CD163: variants seen among roughly 807,000 people sequenced by gnomAD.
CD163 encodes the protein scavenger receptor cysteine-rich type 1 protein M130.
In CD163, 64 loss-of-function variants were observed where a neutral mutation model predicts 129.2. The ratio of observed to expected loss-of-function variants is 0.50; its 90% CI spans 0.41 to 0.61. The LOEUF is 0.61. Among genes scored for constraint, CD163 ranks in the 20% least tolerant of loss-of-function variants. The pLI is 0.00. For missense variants in CD163, 1,061 were observed against 1,377.9 expected (o/e 0.77, Z 3.64); for synonymous variants, 446 against 478.5 (o/e 0.93, Z 0.89).
At chr12:7,475,340 A>G (rs1164716510) in intron 16 of CD163, among the ~76,000 whole-genome samples, 1 of 152,198 alleles carries the variant, frequency 6.6e-6, no homozygotes, top group Admixed American at 6.5e-5. Flanking sequence ...AAAATCCTCA[A>G]TAAAATACTG....
At position 7,480,081 on chromosome 12, in the gene CD163, A is replaced by T. The variant is rs1389682427; in HGVS notation, c.3344-168T>A. ...GGCTCTTTGAGCAACTAAAAACACC[A>T]CCCATAACTAGGAAGAAAAGCATGT... On this transcript the variant is annotated intron_variant, in intron 15 of 16. Coordinates refer to ENST00000432237, the MANE Select transcript of CD163 (RefSeq NM_203416.4). The T allele has an allele frequency of 2.4e-6, 3 of 1,240,892 alleles. No individual in the cohort carries two copies. In the African/African-American group the frequency reaches 4.6e-5, roughly 19 times the overall value. 76.9% of individuals were successfully genotyped at this position (1,240,892 alleles called of 1,614,324 possible).
At position 7,485,081 on chromosome 12, in the gene CD163, T is replaced by A. The variant is rs753889446; in HGVS notation, c.2779+15A>T. 1.3e-6 allele frequency: 2 copies of A among 1,574,434 alleles called. No homozygotes were observed. Among genetic ancestry groups the A allele is most frequent in the Non-Finnish European group, 1.7e-6 (2 of 1,158,978 alleles). On this transcript the variant is annotated intron_variant, in intron 11 of 16. Coordinates refer to ENST00000432237, the MANE Select transcript of CD163 (RefSeq NM_203416.4). This position sits in a 1 kb window ranked among gnomAD's most constrained non-coding sequence, Gnocchi z 4.5. ...CTGCAGAATGGAATTTTCATATAGGTCGATGGATACTCACTGTCACATGTG... is the reference window on the plus strand; with the variant it reads ...CTGCAGAATGGAATTTTCATATAGGACGATGGATACTCACTGTCACATGTG...
chr12:7,487,052 T>C lies in CD163; in HGVS notation c.2051-66A>G. On this transcript the variant is annotated intron_variant, in intron 8 of 16. Coordinates refer to ENST00000432237, the MANE Select transcript of CD163 (RefSeq NM_203416.4). This position sits in a 1 kb window ranked among gnomAD's most constrained non-coding sequence, Gnocchi z 5.1. ...GTTAGGGGAGTCAGATGAAATGTTA[T>C]ATGGATGAGTTGAGGACAAACATAG... is the stretch of plus-strand genomic sequence containing the variant. The C allele has an allele frequency of 3.2e-6, 4 of 1,245,570 alleles. No homozygotes were observed. Among genetic ancestry groups the C allele is most frequent in the African/African-American group, 1.5e-5 (1 of 67,782 alleles). 77.2% of individuals were successfully genotyped at this position (1,245,570 alleles called of 1,614,324 possible).
chr12:7,488,154 G>A, intron 6 of CD163, 67 bp from the exon 7 acceptor site: 1 of 1,468,140 alleles, frequency 6.8e-7, no homozygotes, highest in South Asian at 1.4e-5. Context: ...TGATGAGGGT[G>A]AAGAAGGTGG....
At chr12:7,471,823 G>C (rs944195618) in intron 16 of CD163, 1 of 152,230 alleles carries the variant, frequency 6.6e-6, no homozygotes, top group Non-Finnish European at 1.5e-5. Context: ...CCCACAAAGC[G>C]CAGCAAGTCA....
Position 7,502,548 on chromosome 12 carries a change from A to T in CD163, c.63T>A (p.Phe21Leu). Residue 21 changes from phenylalanine to leucine, a missense_variant, in exon 2 of 17, where the codon TTT becomes TTA. Phe to Leu is a conservative substitution (Grantham distance 22). Coordinates refer to ENST00000432237, the MANE Select transcript of CD163 (RefSeq NM_203416.4). ...DSGSADFRRHFVNLSPFTITV... is the reference protein window; with the variant it reads ...DSGSADFRRHLVNLSPFTITV... ...TAATGGTGAAGGGACTCAAGTTGAC[A>T]AAATGTCTTCTGAAGTCTGTGAAAA... 1.3e-6 allele frequency: 2 copies of T among 1,573,030 alleles called. No homozygotes were observed. Among genetic ancestry groups the T allele is most frequent in the South Asian group, 2.3e-5 (2 of 88,488 alleles).
At chr12:7,499,781 AAGG>A (rs1273245827) in intron 3 of CD163, among the ~76,000 whole-genome samples, 2 of 152,116 alleles carry the variant, frequency 1.3e-5, no homozygotes, top group African/African-American at 2.4e-5. Context: ...GAAGGAGGAG[AAGG>A]AGGAGAAGGA....
chr12:7,483,259 C>A, intron 12 of CD163, 108 bp downstream of exon 12: 1 of 1,033,072 alleles, frequency 9.7e-7, no homozygotes. Flanking sequence ...TGAGAATCCC[C>A]ACCAGATCCC....
chr12:7,499,198 A>C lies in CD163; in HGVS notation c.458-10T>G. The C allele has an allele frequency of 6.3e-7, 1 of 1,596,080 alleles. No homozygotes were observed. The highest frequency in any genetic ancestry group is 8.5e-7 in the Non-Finnish European group (1 of 1,171,494). ...TCCAAATTGGATCCATCTGGAGCAG[A>C]GAAAAGACCAGAGTTCAGAAGTTAC... On this transcript the variant is annotated splice_polypyrimidine_tract_variant and intron_variant, in intron 3 of 16. Transcript: ENST00000432237.
At position 7,487,600 on chromosome 12, in the gene CD163, G is replaced by C. The variant is rs1177628239; in HGVS notation, c.1809C>G (p.Ala603=). The stretch of plus-strand genomic sequence containing the variant: ...AGTGAGAGTTACAGAGGGATCCCCA[G>C]GCACCAAGCGTTTTGAGCTCCACTC... The part of the protein sequence containing the change: ...EGRVELKTLG[A]WGSLCNSHWD... The change falls in exon 8 of 17, where the codon GCC becomes GCG. Residue 603 remains alanine, a synonymous_variant. Coordinates refer to ENST00000432237, the MANE Select transcript of CD163 (RefSeq NM_203416.4). The surrounding 1 kb of genome is among the most constrained non-coding windows in gnomAD (Gnocchi z 5.1). The C allele has an allele frequency of 6.2e-7, 1 of 1,613,978 alleles. No individual in the cohort carries two copies. The highest frequency in any genetic ancestry group is 1.3e-5 in the African/African-American group (1 of 74,912).
At position 7,486,692 on chromosome 12, in the gene CD163, C is replaced by A. The variant is rs761562814; in HGVS notation, c.2265G>T (p.Val755=). Residue 755 remains valine (V), a synonymous_variant, in exon 10 of 17, where the codon GTG becomes GTT. Transcript: ENST00000432237. The part of the protein sequence containing the change: ...DDSWDLSDAH[V]VCRQLGCGEA... ...CTCCACAGCCCAGCTGTCTGCAAAC[C>A]ACGTGGGCATCACTCAGGTCCCAGC... 3.1e-6 allele frequency: 5 copies of A among 1,614,074 alleles called. No individual in the cohort carries two copies. In the South Asian group the frequency reaches 4.4e-5, roughly 14 times the overall value.
chr12:7,499,465 T>C (rs1949448643), intron 3 of CD163, among the ~76,000 whole-genome samples: 1 of 152,220 alleles, frequency 6.6e-6, no homozygotes, highest in Non-Finnish European at 1.5e-5. Flanking sequence ...CTAGGACAGA[T>C]GTAAATACTC....
rs561608348 is a variant in CD163, at chr12:7,496,891, C to G, written c.1021G>C (p.Ala341Pro). ...DSVSCQGHEP[A>P]IWQCKHHEWG... ...TCATGGTGTTTACATTGCCAGATAG[C>G]AGGTTCATGTCCCTGGCAAGAAACG... The change falls in exon 5 of 17, where the codon GCT becomes CCT. Residue 341 changes from alanine (A) to proline (P), a missense_variant. By Grantham distance (27) the Ala-to-Pro change is conservative (BLOSUM62 -1). Transcript: ENST00000432237. The surrounding 1 kb of genome is among the most constrained non-coding windows in gnomAD (Gnocchi z 4.8). 1.9e-6 allele frequency: 3 copies of G among 1,613,944 alleles called. No individual in the cohort carries two copies. The highest frequency in any genetic ancestry group is 1.1e-5 in the South Asian group (1 of 91,076).
In CD163 at chr12:7,479,895, T is replaced by C. The variant is rs111802562; in HGVS notation, c.3362A>G (p.His1121Arg). ...MNSSGGHSEP[H>R] is the part of the protein sequence containing the mutation. ...TATAAATTCCCATTTTCCTTTTCAGTGTGGCTCAGAATGGCCTCCTTTTCC... is the reference window on the plus strand; with the variant it reads ...TATAAATTCCCATTTTCCTTTTCAGCGTGGCTCAGAATGGCCTCCTTTTCC... Residue 1121 changes from histidine to arginine, a missense_variant, in exon 16 of 17, where the codon CAC (histidine) becomes CGC (arginine). Physicochemically the swap from His to Arg is conservative, Grantham distance 29. Coordinates refer to ENST00000432237, the MANE Select transcript of CD163 (RefSeq NM_203416.4). 4 of 1,612,792 alleles carry C rather than the reference T, an allele frequency of 2.5e-6. No homozygotes were observed. The highest frequency in any genetic ancestry group is 3.4e-6 in the Non-Finnish European group (4 of 1,179,388).
chr12:7,502,393 C>T (rs1949503254), intron 2 of CD163, 85 bp downstream of exon 2: 1 of 824,380 alleles, frequency 1.2e-6, no homozygotes, highest in Non-Finnish European at 2.2e-6. Context: ...TTAGATGCTA[C>T]TTGGCCTTCA....
At position 7,481,200 on chromosome 12, in the gene CD163, A is replaced by C; in HGVS notation, c.3304T>G (p.Cys1102Gly). 6.2e-7 allele frequency: 1 copy of C among 1,613,966 alleles called. No homozygotes were observed. The highest frequency in any genetic ancestry group is 8.5e-7 in the Non-Finnish European group (1 of 1,179,862). Residue 1102 changes from cysteine to glycine, a missense_variant, in exon 15 of 17, where the codon TGC becomes GGC. Physicochemically the swap from Cys to Gly is radical, Grantham distance 159. Transcript: ENST00000432237. ...HQIQYREMNSCLNADDLDLMN... is the reference protein window; with the variant it reads ...HQIQYREMNSGLNADDLDLMN... ...AGGTCCAGATCATCTGCATTCAGGC[A>C]AGAATTCATCTCCCGGTATTGAATT... is the stretch of plus-strand genomic sequence containing the variant.
At chr12:7,476,569 C>T (rs781195815) in intron 16 of CD163, among the ~76,000 whole-genome samples, 25 of 152,170 alleles carry the variant, frequency 1.6e-4, no homozygotes, top group African/African-American at 4.6e-4. Context: ...TTCCTTACAC[C>T]GTATACAAAA....
At chr12:7,497,280 C>A in intron 4 of CD163, 147 bp from the exon 5 acceptor site, 2 of 660,704 alleles carry the variant, frequency 3.0e-6, no homozygotes, top group East Asian at 2.7e-5. Context: ...CACTGGAAAT[C>A]ATTCAAGATG....
At chr12:7,479,782 C>A in intron 16 of CD163, 78 bp downstream of exon 16, 1 of 1,461,322 alleles carries the variant, frequency 6.8e-7, no homozygotes. Flanking sequence ...TTCTTTCTTT[C>A]TAATGCCAGA....
Sources: allele counts gnomAD v4.1 joint callset (sites outside exome capture counted in the v4.1 genomes callset), GRCh38; gene constraint gnomAD v4.1.1; non-coding constraint Gnocchi (gnomAD v3.1); transcripts MANE v1.5; gene names NCBI Gene and HGNC (gene_info 2026-07-23, HGNC 2026-07-21).